LRRC72: variants seen among roughly 807,000 people sequenced by gnomAD.
The protein encoded by LRRC72 is leucine rich repeat containing 72, also known as leucine-rich repeat-containing protein 72.
A neutral mutation model predicts 35.8 loss-of-function variants in LRRC72; 41 were observed. That is an observed-to-expected ratio of 1.15 (90% CI 0.89 to 1.49). The LOEUF is 1.49. LRRC72 is among the 40% of genes most tolerant of loss of function. The pLI is 0.00. For synonymous variants in LRRC72, 118 were observed against 119.2 expected (o/e 0.99, Z 0.07); for missense variants, 389 against 330.7 (o/e 1.18, Z -1.37).
chr7:16,533,027 T>A (rs76776898), intron 2 of LRRC72, among the ~76,000 whole-genome samples: 14 of 152,128 alleles, frequency 9.2e-5, no homozygotes, highest in Non-Finnish European at 1.9e-4. Flanking sequence ...CGCTATTCCC[T>A]GGGCATAATT....
chr7:16,556,488 C>T (rs1782652718), intron 3 of LRRC72, among the ~76,000 whole-genome samples: 1 of 152,200 alleles, frequency 6.6e-6, no homozygotes, highest in Non-Finnish European at 1.5e-5. Flanking sequence ...TTATACTGTG[C>T]CTTGCCCTCT....
intron 5 of LRRC72, among the ~76,000 whole-genome samples, chr7:16,564,560 A>G (rs1347142500): frequency 1.3e-5 from 2 of 151,550 alleles, no homozygotes; most frequent in African/African-American, 4.8e-5. Flanking sequence ...CATTACTTAC[A>G]TATTTCCTTT....
chr7:16,548,624 CACAGCCGGCTG>C (rs1226780556), intron 3 of LRRC72, among the ~76,000 whole-genome samples: 3 of 152,246 alleles, frequency 2.0e-5, no homozygotes, highest in Non-Finnish European at 4.4e-5. Context: ...CCTGTCCTGC[CACAGCCGGCTG>C]GACCCCACAC....
At chr7:16,539,168 G>A (rs1486247830) in intron 3 of LRRC72, among the ~76,000 whole-genome samples, 13 of 152,198 alleles carry the variant, frequency 8.5e-5, no homozygotes, top group Admixed American at 7.2e-4. Context: ...CCACAATACT[G>A]ATAGTGATAT....
Position 16,527,008 on chromosome 7 carries a change from G to A in LRRC72, c.56G>A (p.Arg19Lys). ...PRTLRCWRLR[R>K]ASETALQSSR... is the part of the protein sequence containing the mutation. ...ACCTTGCGATGCTGGCGCCTACGGA[G>A]GGCATCCGAAACTGCCCTACAGAGC... Residue 19 changes from arginine (R) to lysine (K), a missense_variant, in exon 1 of 9, where the codon AGG becomes AAG. By Grantham distance (26) the Arg-to-Lys change is conservative (BLOSUM62 2). Transcript: ENST00000401542. 6.5e-7 allele frequency: 1 copy of A among 1,539,696 alleles called. No homozygotes were observed. The highest frequency in any genetic ancestry group is 1.2e-5 in the South Asian group (1 of 84,064).
At chr7:16,558,434 C>T (rs565416428) in intron 4 of LRRC72, among the ~76,000 whole-genome samples, 6 of 152,000 alleles carry the variant, frequency 3.9e-5, no homozygotes, top group Non-Finnish European at 7.4e-5. Flanking sequence ...CATGGTGAAA[C>T]CCCCGTCTCT....
intron 5 of LRRC72, among the ~76,000 whole-genome samples, chr7:16,560,683 CTGTT>C (rs1354288692): frequency 1.3e-5 from 2 of 149,452 alleles, no homozygotes; most frequent in African/African-American, 4.9e-5. Context: ...TAAGATAACT[CTGTT>C]TTTTTTTTTT....
At chr7:16,568,051 T>A (rs1328380277) in intron 7 of LRRC72, among the ~76,000 whole-genome samples, 1 of 152,162 alleles carries the variant, frequency 6.6e-6, no homozygotes, top group Non-Finnish European at 1.5e-5. Flanking sequence ...GATGTTTCAT[T>A]TGTAGGAATT....
intron 7 of LRRC72, among the ~76,000 whole-genome samples, chr7:16,570,589 T>G: frequency 6.6e-6 from 1 of 152,092 alleles, no homozygotes; most frequent in East Asian, 1.9e-4. Flanking sequence ...GAGGGCTAGG[T>G]GGGCGGATCA....
intron 7 of LRRC72, among the ~76,000 whole-genome samples, chr7:16,575,906 T>A (rs1411879717): frequency 6.6e-6 from 1 of 152,194 alleles, no homozygotes. Context: ...ATCCCTACCT[T>A]TAGGGATCTA....
Position 16,532,554 on chromosome 7 carries a change from G to A in LRRC72, c.150G>A (p.Leu50=), listed in dbSNP as rs1782186546. 4 of 1,548,886 alleles carry A rather than the reference G, an allele frequency of 2.6e-6. No homozygotes were observed. The highest frequency in any genetic ancestry group is 3.5e-6 in the Non-Finnish European group (4 of 1,145,436). Reference sequence around the variant, plus strand: ...GGAGGGATGCTGATGTCTTTGAGCTGTTCCTTTCTAAAAAGTAAGTGTACT... The same window carrying A: ...GGAGGGATGCTGATGTCTTTGAGCTATTCCTTTCTAAAAAGTAAGTGTACT... The part of the protein sequence containing the change: ...GHRRDADVFE[L]FLSKKELTEV... The change falls in exon 2 of 9, where the codon CTG becomes CTA. Residue 50 remains leucine, a synonymous_variant. Transcript: ENST00000401542.
At chr7:16,564,145 G>A (rs1782787728) in intron 5 of LRRC72, among the ~76,000 whole-genome samples, 2 of 152,156 alleles carry the variant, frequency 1.3e-5, no homozygotes, top group Admixed American at 6.5e-5. Flanking sequence ...TTCCATTAAC[G>A]TCATATGTAA....
At chr7:16,569,075 C>A (rs985841169) in intron 7 of LRRC72, among the ~76,000 whole-genome samples, 2 of 152,126 alleles carry the variant, frequency 1.3e-5, no homozygotes, top group African/African-American at 4.8e-5. Flanking sequence ...ATATATTCAA[C>A]AAGTGTTCAT....
intron 3 of LRRC72, among the ~76,000 whole-genome samples, chr7:16,548,389 G>A (rs1209856808): frequency 2.6e-5 from 4 of 152,204 alleles, no homozygotes; most frequent in South Asian, 4.1e-4. Context: ...GAGAGAAGGG[G>A]AGAAGAGAGG....
intron 2 of LRRC72, chr7:16,532,808 C>A (rs1782191696): frequency 3.6e-6 from 2 of 562,998 alleles, no homozygotes; most frequent in African/African-American, 3.8e-5. Context: ...TCTCTTCCAG[C>A]TGGGTGATCT....
intron 1 of LRRC72, among the ~76,000 whole-genome samples, chr7:16,528,385 T>C (rs1782109383): frequency 2.0e-5 from 3 of 152,074 alleles, no homozygotes; most frequent in Non-Finnish European, 4.4e-5. Flanking sequence ...GGTGGGCGCC[T>C]TGACCAGTCT....
chr7:16,554,086 C>T (rs933041070), intron 3 of LRRC72, among the ~76,000 whole-genome samples: 3 of 152,078 alleles, frequency 2.0e-5, no homozygotes, highest in African/African-American at 7.2e-5. Flanking sequence ...CCCAGCACTT[C>T]GGGAGGCCGA....
rs375277719 is a variant in LRRC72, at chr7:16,536,835, C to T, written c.165-792C>T. ...TGATATTTTTATGCTTTGAAAAGTACCTGGCACACAATACGTGATCTATAA... is the reference window on the plus strand; with the variant it reads ...TGATATTTTTATGCTTTGAAAAGTATCTGGCACACAATACGTGATCTATAA... On this transcript the variant is annotated intron_variant, in intron 2 of 8. Coordinates refer to ENST00000401542, the MANE Select transcript of LRRC72 (RefSeq NM_001195280.2). 4 of 152,088 alleles carry T rather than the reference C, an allele frequency of 2.6e-5. No individual in the cohort carries two copies. In the East Asian group the frequency reaches 5.8e-4, roughly 22 times the overall value. 9.4% of individuals were successfully genotyped at this position (152,088 alleles called of 1,614,324 possible).
chr7:16,531,399 T>C (rs1780054609), intron 1 of LRRC72, among the ~76,000 whole-genome samples: 1 of 152,146 alleles, frequency 6.6e-6, no homozygotes, highest in Non-Finnish European at 1.5e-5. Context: ...TTCAGGACTA[T>C]ACATTTGCAG....
Sources: allele counts gnomAD v4.1 joint callset (sites outside exome capture counted in the v4.1 genomes callset), GRCh38; gene constraint gnomAD v4.1.1; transcripts MANE v1.5; gene names NCBI Gene and HGNC (gene_info 2026-07-23, HGNC 2026-07-21).